Variants in CHST10 observed in about 807,000 individuals in gnomAD.
CHST10 encodes the protein HNK-1 sulfotransferase.
Under a neutral mutation model 34.7 loss-of-function variants are expected in CHST10, and 24 were observed. The observed-to-expected ratio is 0.69, with a 90% CI of 0.50 to 0.97. CHST10 has a LOEUF of 0.97. CHST10 is among the 50% of genes least tolerant of loss of function. The pLI, the probability that CHST10 is intolerant of heterozygous loss-of-function variation, is 0.00. For missense variants in CHST10, 402 were observed against 452.1 expected, an observed-to-expected ratio of 0.89 and a Z score of 1.00; for synonymous variants, 161 against 169.3, an observed-to-expected ratio of 0.95 and a Z score of 0.38.
At chr2:100,401,078 G>A (rs1453252413) in intron 4 of CHST10, among the ~76,000 whole-genome samples, 1 of 152,218 alleles carries the variant, frequency 6.6e-6, no homozygotes, top group African/African-American at 2.4e-5. Flanking sequence ...TCACCTAACG[G>A]CATGTGGCCT....
At position 100,410,754 on chromosome 2, in the gene CHST10, T is replaced by C. The variant is rs181323108; in HGVS notation, c.-32-4047A>G. On this transcript the variant is annotated intron_variant, in intron 2 of 6. Transcript: ENST00000264249. ...ACAAAATGATCTAAGCCACAGCATG[T>C]ATATGCATTCAAATACACTTACTAC... Among the ~76,000 whole-genome samples, 6 of 152,364 alleles carry C rather than the reference T, an allele frequency of 3.9e-5. No individual in the cohort carries two copies. The East Asian group carries it at 1.2e-3, about 29-fold the overall frequency.
rs191146499 is a variant in CHST10 at position 100,394,560 on chromosome 2, C to T, written c.534-778G>A. Among the ~76,000 whole-genome samples the T allele has an allele frequency of 4.2e-3, 640 of 152,252 alleles. 9 individuals carry two copies. The highest frequency in any genetic ancestry group is 0.034 in the Admixed American group (513 of 15,300). ...ATGGGCAGGTGCCATGCAGGTCAGG[C>T]GCCATGCAAGGCAGGTGGCTGCAGA... On this transcript the variant is annotated intron_variant, in intron 6 of 6. Coordinates refer to ENST00000264249, the MANE Select transcript of CHST10 (RefSeq NM_004854.5).
chr2:100,415,170 T>A, intron 1 of CHST10, 59 bp from the exon 2 acceptor site: 1 of 1,060,936 alleles, frequency 9.4e-7, no homozygotes, highest in Non-Finnish European at 1.3e-6. Flanking sequence ...TCAACTTACT[T>A]AATACAACTT....
At chr2:100,406,027 C>T (rs1675555058) in intron 3 of CHST10, among the ~76,000 whole-genome samples, 1 of 152,152 alleles carries the variant, frequency 6.6e-6, no homozygotes, top group South Asian at 2.1e-4. Context: ...ATTCTGAGAC[C>T]CAATTTGGCG....
chr2:100,405,388 C>T (rs1319599043), intron 3 of CHST10, among the ~76,000 whole-genome samples: 3 of 152,172 alleles, frequency 2.0e-5, no homozygotes, highest in African/African-American at 7.2e-5. Flanking sequence ...TGGGGAGAAC[C>T]ACCATGTGGG....
intron 4 of CHST10, among the ~76,000 whole-genome samples, chr2:100,399,105 T>C (rs953189315): frequency 1.9e-4 from 28 of 147,068 alleles, no homozygotes; most frequent in East Asian, 7.9e-4. Context: ...TCTCTCTCTT[T>C]TTTTTTTTTT....
intron 5 of CHST10, among the ~76,000 whole-genome samples, chr2:100,396,394 T>C (rs900604751): frequency 2.3e-4 from 35 of 152,172 alleles, no homozygotes; most frequent in African/African-American, 8.4e-4. Context: ...TACAGACAAA[T>C]GGAAATACAC....
At chr2:100,397,712 G>A (rs745597654) in intron 5 of CHST10, among the ~76,000 whole-genome samples, 196 bp downstream of exon 5, 6 of 152,116 alleles carry the variant, frequency 3.9e-5, no homozygotes, top group Admixed American at 1.3e-4. Flanking sequence ...GAAAAGAATC[G>A]GTGTCTAAAC....
chr2:100,404,215 C>A (rs1675466109), intron 3 of CHST10, among the ~76,000 whole-genome samples: 1 of 152,138 alleles, frequency 6.6e-6, no homozygotes, highest in African/African-American at 2.4e-5. Flanking sequence ...GGGAGTGGGC[C>A]CACAACAGAA....
At position 100,393,636 on chromosome 2, in the gene CHST10, C is replaced by T. The variant is rs201432165; in HGVS notation, c.680G>A (p.Arg227Lys). 41 of 1,614,150 alleles carry T rather than the reference C, an allele frequency of 2.5e-5. No individual in the cohort carries two copies. The East Asian group carries it at 8.7e-4, about 34-fold the overall frequency. The change falls in exon 7 of 7, where the codon AGG becomes AAG. Residue 227 changes from arginine to lysine, a missense_variant. Coordinates refer to ENST00000264249, the MANE Select transcript of CHST10 (RefSeq NM_004854.5). ...IAPGIIRKYR[R>K]NRTETRGIQF... The stretch of plus-strand genomic sequence containing the variant: ...GATCCCCCGGGTCTCTGTCCGGTTC[C>T]TCCTGTATTTTCTGATGATGCCAGG...
At chr2:100,394,757 T>G (rs1674973245) in intron 6 of CHST10, among the ~76,000 whole-genome samples, 1 of 150,580 alleles carries the variant, frequency 6.6e-6, no homozygotes, top group African/African-American at 2.5e-5. Context: ...AGAGTCTTGC[T>G]CTGTCGCCCC....
chr2:100,405,857 A>G (rs755962658), intron 3 of CHST10, among the ~76,000 whole-genome samples: 28 of 152,136 alleles, frequency 1.8e-4, no homozygotes, highest in Admixed American at 7.9e-4. Context: ...AGAGCATATC[A>G]CACACCTCTT....
intron 2 of CHST10, among the ~76,000 whole-genome samples, chr2:100,411,651 C>A (rs141817319): frequency 5.6e-4 from 86 of 152,282 alleles, no homozygotes; most frequent in African/African-American, 1.9e-3. Context: ...TATCCAGTAT[C>A]CAGTGTATTC....
intron 1 of CHST10, chr2:100,416,984 C>T: frequency 1.5e-6 from 2 of 1,304,242 alleles, no homozygotes; most frequent in Non-Finnish European, 2.0e-6. Flanking sequence ...TGACTCCCCT[C>T]GCACCGAAGC....
At chr2:100,394,726 CTT>C (rs11345127) in intron 6 of CHST10, among the ~76,000 whole-genome samples, 110 of 140,474 alleles carry the variant, frequency 7.8e-4, no homozygotes, top group Non-Finnish European at 1.1e-3. Flanking sequence ...ACTCCATCTT[CTT>C]TTTTTTTTTT....
chr2:100,402,543 C>A (rs566469553), intron 4 of CHST10, 21 bp downstream of exon 4: 2 of 1,606,784 alleles, frequency 1.2e-6, no homozygotes, highest in Admixed American at 3.3e-5. Context: ...AGGACAAGGA[C>A]CACGGCCTGG....
chr2:100,417,603 G>A lies in CHST10; in HGVS notation c.-333C>T, dbSNP rs1676123904. On this transcript the variant is annotated 5_prime_UTR_variant, in exon 1 of 7. Transcript: ENST00000264249. ...ACGCCCGGCGCGCTAGACCGGCTTTGGGGGCCAGAACGCCGGCACCGCCTC... is the reference window on the plus strand; with the variant it reads ...ACGCCCGGCGCGCTAGACCGGCTTTAGGGGCCAGAACGCCGGCACCGCCTC... 1 of 151,318 alleles carries A rather than the reference G, an allele frequency of 6.6e-6. No homozygotes were observed. Among genetic ancestry groups the A allele is most frequent in the South Asian group, 2.1e-4 (1 of 4,834 alleles). The allele number at this position is 151,318 out of a possible 1,614,324, so 9.4% of individuals were successfully genotyped here. A position where few individuals can be genotyped will look rare whatever the true frequency, so the allele number is the denominator to read the frequency against.
At chr2:100,416,975 G>A in intron 1 of CHST10, 2 of 1,304,080 alleles carry the variant, frequency 1.5e-6, no homozygotes, top group Non-Finnish European at 2.0e-6. Flanking sequence ...TCCCACCCCT[G>A]ACTCCCCTCG....
intron 4 of CHST10, among the ~76,000 whole-genome samples, chr2:100,401,439 A>G (rs1675337573): frequency 6.6e-6 from 1 of 152,108 alleles, no homozygotes; most frequent in East Asian, 1.9e-4. Flanking sequence ...CCACCCGGAG[A>G]GGGAGCACCA....
Sources: allele counts gnomAD v4.1 joint callset (sites outside exome capture counted in the v4.1 genomes callset), GRCh38; gene constraint gnomAD v4.1.1; transcripts MANE v1.5; gene names NCBI Gene and HGNC (gene_info 2026-07-23, HGNC 2026-07-21).